The following EPHA6 variants were observed in gnomAD, a reference collection of about 807,000 sequenced individuals.
The protein encoded by EPHA6 is ephrin type-A receptor 6.
In EPHA6, 50 loss-of-function variants were observed where a neutral mutation model predicts 112.0. That is an observed-to-expected ratio of 0.45 (90% CI 0.36 to 0.56). The LOEUF is 0.56. EPHA6 is among the 20% of genes least tolerant of loss of function. The probability of loss-of-function intolerance (pLI) is 0.00; values close to 1 mark genes in which losing one functional copy is unlikely to be tolerated. For synonymous variants in EPHA6, 529 were observed against 490.7 expected (o/e 1.08, Z -1.03); for missense variants, 1,280 against 1,417.4 (o/e 0.90, Z 1.56).
intron 5 of EPHA6, among the ~76,000 whole-genome samples, chr3:97,371,877 G>C (rs764179411): frequency 3.9e-5 from 6 of 152,002 alleles, no homozygotes; most frequent in Non-Finnish European, 5.9e-5. Flanking sequence ...AATAAGTCCC[G>C]GTCTCCCATA....
At chr3:97,257,503 A>C (rs553630262) in intron 5 of EPHA6, among the ~76,000 whole-genome samples, 8 of 152,050 alleles carry the variant, frequency 5.3e-5, no homozygotes, top group Non-Finnish European at 7.4e-5. Flanking sequence ...TGTTTTTCTC[A>C]TCAAATTGGA....
chr3:97,144,105 AT>A (rs918118751), intron 3 of EPHA6, among the ~76,000 whole-genome samples: 1 of 151,616 alleles, frequency 6.6e-6, no homozygotes, highest in Non-Finnish European at 1.5e-5. Context: ...CCTTAATTTC[AT>A]GGCCTTCCCT....
At chr3:97,554,124 T>C (rs2093068997) in intron 11 of EPHA6, among the ~76,000 whole-genome samples, 1 of 152,186 alleles carries the variant, frequency 6.6e-6, no homozygotes, top group Non-Finnish European at 1.5e-5. Context: ...TAGTTGCTTA[T>C]AAATGGGGCT....
intron 11 of EPHA6, among the ~76,000 whole-genome samples, chr3:97,545,733 A>G (rs541454841): frequency 6.6e-6 from 1 of 152,306 alleles, no homozygotes; most frequent in African/African-American, 2.4e-5. Context: ...GACTTGCTTT[A>G]TGAATCTGGG....
intron 14 of EPHA6, among the ~76,000 whole-genome samples, chr3:97,674,631 A>G (rs1439567925): frequency 6.6e-6 from 1 of 152,216 alleles, no homozygotes; most frequent in Non-Finnish European, 1.5e-5. Context: ...CTTTGAAAGT[A>G]CAGTACAGTG....
intron 2 of EPHA6, among the ~76,000 whole-genome samples, chr3:96,940,030 G>C (rs2040844576): frequency 6.6e-6 from 1 of 152,114 alleles, no homozygotes; most frequent in Non-Finnish European, 1.5e-5. Flanking sequence ...CAACTATGTG[G>C]TTAATTTTGG....
intron 10 of EPHA6, among the ~76,000 whole-genome samples, chr3:97,524,023 G>A (rs1247353740): frequency 6.6e-6 from 1 of 151,856 alleles, no homozygotes; most frequent in Admixed American, 6.6e-5. Flanking sequence ...AAATATTATT[G>A]GATCTTGTTT....
intron 2 of EPHA6, among the ~76,000 whole-genome samples, chr3:96,889,060 T>G (rs2037801230): frequency 6.6e-6 from 1 of 152,116 alleles, no homozygotes; most frequent in Non-Finnish European, 1.5e-5. Flanking sequence ...GTCTCTTTGC[T>G]AAAACATAAC....
At chr3:97,595,525 A>G (rs765162944) in intron 12 of EPHA6, among the ~76,000 whole-genome samples, 9 of 152,056 alleles carry the variant, frequency 5.9e-5, no homozygotes, top group Non-Finnish European at 1.2e-4. Context: ...GGCACCTGTA[A>G]TCTCAGCTAC....
At chr3:97,288,962 G>A (rs1467627545) in intron 5 of EPHA6, among the ~76,000 whole-genome samples, 9 of 118,080 alleles carry the variant, frequency 7.6e-5, no homozygotes, top group Admixed American at 1.0e-4. Flanking sequence ...ATTTGTGTAA[G>A]TTTCCTATAG....
At chr3:97,725,639 C>T (rs990083492) in intron 15 of EPHA6, among the ~76,000 whole-genome samples, 1 of 152,116 alleles carries the variant, frequency 6.6e-6, no homozygotes, top group Non-Finnish European at 1.5e-5. Flanking sequence ...AACAAGATCT[C>T]TCAACCTTAG....
intron 3 of EPHA6, among the ~76,000 whole-genome samples, chr3:97,187,263 T>C (rs1010438087): frequency 1.3e-5 from 2 of 152,040 alleles, no homozygotes; most frequent in Non-Finnish European, 2.9e-5. Context: ...ATGTGATGGC[T>C]CTTGATACTT....
intron 14 of EPHA6, among the ~76,000 whole-genome samples, chr3:97,641,344 C>T (rs62262806): frequency 2.0e-5 from 3 of 152,130 alleles, no homozygotes; most frequent in Non-Finnish European, 4.4e-5. Flanking sequence ...AGTTAGAAAC[C>T]TGCCTACTGA....
rs533263615 is a variant in EPHA6, at chr3:97,082,357, T to C, written c.1114+94364T>C. Among the ~76,000 whole-genome samples the C allele has an allele frequency of 3.3e-5, 5 of 152,096 alleles. No homozygotes were observed. The South Asian group carries it at 1.0e-3, about 32-fold the overall frequency. On this transcript the variant is annotated intron_variant, in intron 3 of 17. Transcript: ENST00000389672. ...GCAGAAAGATGTGCTAAATAGCGTG[T>C]TATTTATTTCATTTGATTTTTATAT...
chr3:97,360,905 C>T (rs2084337995), intron 5 of EPHA6, among the ~76,000 whole-genome samples: 3 of 152,196 alleles, frequency 2.0e-5, no homozygotes, highest in Non-Finnish European at 4.4e-5. Flanking sequence ...CTACTGTCGA[C>T]CCTAAAGTGC....
At chr3:96,893,701 G>A (rs2038106907) in intron 2 of EPHA6, among the ~76,000 whole-genome samples, 1 of 152,212 alleles carries the variant, frequency 6.6e-6, no homozygotes, top group African/African-American at 2.4e-5. Context: ...GAAACTTGCA[G>A]TGATCTAGCA....
rs368590370 is a variant in EPHA6 at position 97,444,987 on chromosome 3, C to T, written c.1732-3581C>T. Among the ~76,000 whole-genome samples, 8 of 152,080 alleles carry T rather than the reference C, an allele frequency of 5.3e-5. No homozygotes were observed. In the East Asian group the frequency reaches 9.7e-4, roughly 18 times the overall value. On this transcript the variant is annotated intron_variant, in intron 6 of 17. Coordinates refer to ENST00000389672, the MANE Select transcript of EPHA6 (RefSeq NM_001080448.3). ...CAGGGTCTTCCCATGGGAAGAGAACCATAGGTAAAAGTCAACATCTCTAGA... is the reference window on the plus strand; with the variant it reads ...CAGGGTCTTCCCATGGGAAGAGAACTATAGGTAAAAGTCAACATCTCTAGA...
chr3:96,893,229 T>G (rs1377999768), intron 2 of EPHA6, among the ~76,000 whole-genome samples: 1 of 152,170 alleles, frequency 6.6e-6, no homozygotes, highest in Non-Finnish European at 1.5e-5. Context: ...TACTTGAACA[T>G]TATAAATGAC....
At chr3:97,167,537 A>G (rs1277017429) in intron 3 of EPHA6, among the ~76,000 whole-genome samples, 1 of 152,170 alleles carries the variant, frequency 6.6e-6, no homozygotes, top group African/African-American at 2.4e-5. Flanking sequence ...ATCTAAGTTA[A>G]TTAGAGAATT....
Sources: gnomAD v4.1 joint callset for allele counts (sites outside exome capture counted in the v4.1 genomes callset) on GRCh38, gnomAD v4.1.1 for gene constraint, MANE v1.5 for transcripts, NCBI Gene and HGNC (gene_info 2026-07-23, HGNC 2026-07-21) for gene names.